Variants in KDM7A observed in about 807,000 individuals in gnomAD.
The protein encoded by KDM7A is lysine demethylase 7A, also known as lysine-specific demethylase 7A.
A neutral mutation model predicts 114.8 loss-of-function variants in KDM7A; 28 were observed. That is an observed-to-expected ratio of 0.24 (90% CI 0.18 to 0.33). The LOEUF (loss-of-function observed/expected upper bound fraction) is 0.33, where lower values mean the gene tolerates loss of function less well. KDM7A is among the 10% of genes least tolerant of loss of function. The probability of loss-of-function intolerance (pLI) is 1.00; values close to 1 mark genes in which losing one functional copy is unlikely to be tolerated. For synonymous variants in KDM7A, 423 were observed against 397.8 expected, an observed-to-expected ratio of 1.06 and a Z score of -0.75; for missense variants, 942 against 1,142.5, an observed-to-expected ratio of 0.82 and a Z score of 2.53.
chr7:140,176,924 G>A lies in KDM7A; in HGVS notation c.14C>T (p.Ala5Val), dbSNP rs1794718885. 1.7e-6 allele frequency: 2 copies of A among 1,161,326 alleles called. No individual in the cohort carries two copies. Among genetic ancestry groups the A allele is most frequent in the African/African-American group, 1.7e-5 (1 of 60,582 alleles). The allele number at this position is 1,161,326 out of a possible 1,614,324, so 71.9% of individuals were successfully genotyped here. The change falls in exon 1 of 20, where the codon GCG becomes GTG. Residue 5 changes from alanine (A) to valine (V), a missense_variant. By Grantham distance (64) the Ala-to-Val change is moderately conservative (BLOSUM62 0). Transcript: ENST00000397560. The surrounding 1 kb of genome is among the most constrained non-coding windows in gnomAD (Gnocchi z 4.4). MAGA[A>V]AAVAAGAAAG... ...TGCTGCTCCCGCGGCCACCGCCGCC[G>A]CCGCTCCGGCCATCTTTAAAAAACA...
chr7:140,172,102 T>G (rs1336756516), intron 1 of KDM7A, among the ~76,000 whole-genome samples: 2 of 152,066 alleles, frequency 1.3e-5, no homozygotes. Flanking sequence ...AAGTGGACAC[T>G]GTAGGTGAAA....
At chr7:140,119,707 G>A (rs1300238593) in intron 8 of KDM7A, among the ~76,000 whole-genome samples, 1 of 152,182 alleles carries the variant, frequency 6.6e-6, no homozygotes, top group East Asian at 1.9e-4. Flanking sequence ...CACTTGGTAG[G>A]TGTGGGAGCT....
At chr7:140,096,476 A>G in intron 17 of KDM7A, 79 bp downstream of exon 17, 2 of 1,117,684 alleles carry the variant, frequency 1.8e-6, no homozygotes, top group Non-Finnish European at 2.7e-6. Flanking sequence ...CATAATCTCT[A>G]ACCTAAATGA....
At position 140,150,339 on chromosome 7, in the gene KDM7A, T is replaced by C. The variant is rs1192469155; in HGVS notation, c.195-11149A>G. Among the ~76,000 whole-genome samples the C allele has an allele frequency of 3.3e-5, 5 of 152,302 alleles. No homozygotes were observed. In the East Asian group the frequency reaches 9.6e-4, roughly 29 times the overall value. On this transcript the variant is annotated intron_variant, in intron 1 of 19. Transcript: ENST00000397560. Reference sequence around the variant, plus strand: ...CCAGTTCCTCATGAAATGCAAGACATAAGGAATTAACACACTAAAAACTTT... The same window carrying C: ...CCAGTTCCTCATGAAATGCAAGACACAAGGAATTAACACACTAAAAACTTT...
intron 17 of KDM7A, chr7:140,095,567 C>T (rs570377263): frequency 2.3e-4 from 52 of 227,204 alleles, no homozygotes; most frequent in Admixed American, 9.4e-4. Context: ...ATTTTACCTA[C>T]AAGTATTGTT....
At position 140,085,219 on chromosome 7, in the gene KDM7A, A is replaced by G. The variant is rs1282427420; in HGVS notation, c.*5875T>C. The G allele has an allele frequency of 2.8e-5, 4 of 144,510 alleles. No individual in the cohort carries two copies. The highest frequency in any genetic ancestry group is 2.7e-4 in the Admixed American group (4 of 14,682). The allele number at this position is 144,510 out of a possible 1,614,324, so 9.0% of individuals were successfully genotyped here. On this transcript the variant is annotated 3_prime_UTR_variant, in exon 20 of 20. Transcript: ENST00000397560. ...CAAGACGAGACGCTATTCCGCAGACACCCCCAACAAGAAGAACAGTCCCCT... is the reference window on the plus strand; with the variant it reads ...CAAGACGAGACGCTATTCCGCAGACGCCCCCAACAAGAAGAACAGTCCCCT...
Position 140,176,690 on chromosome 7 carries a change from CGGTTGGTCGGTGGCCGGCGGT to C in KDM7A, c.194+33_194+53del. 1 of 1,106,738 alleles carries C rather than the reference CGGTTGGTCGGTGGCCGGCGGT, an allele frequency of 9.0e-7. No homozygotes were observed. The highest frequency in any genetic ancestry group is 1.1e-6 in the Non-Finnish European group (1 of 892,558). 68.6% of individuals were successfully genotyped at this position (1,106,738 alleles called of 1,614,324 possible). A position where few individuals can be genotyped will look rare whatever the true frequency, so the allele number is the denominator to read the frequency against. On this transcript the variant is annotated intron_variant, in intron 1 of 19. Transcript: ENST00000397560. This position sits in a 1 kb window ranked among gnomAD's most constrained non-coding sequence, Gnocchi z 4.4. Reference sequence around the variant, plus strand: ...AGGCGCGGGCGGCCGGCGGCGGCGGCGGTTGGTCGGTGGCCGGCGGTGGCGGCTGCGGGGCTGGAGGGGGTT... The same window carrying C: ...AGGCGCGGGCGGCCGGCGGCGGCGGCGGCGGCTGCGGGGCTGGAGGGGGTT...
intron 1 of KDM7A, among the ~76,000 whole-genome samples, chr7:140,154,694 A>G (rs1308613922): frequency 6.6e-6 from 1 of 151,974 alleles, no homozygotes; most frequent in Non-Finnish European, 1.5e-5. Flanking sequence ...GATGGGGATC[A>G]AGCATAAGTG....
intron 1 of KDM7A, among the ~76,000 whole-genome samples, chr7:140,175,946 C>T (rs1347832407): frequency 6.6e-6 from 1 of 152,094 alleles, no homozygotes; most frequent in East Asian, 1.9e-4. Flanking sequence ...GCGTTCCCTT[C>T]GGGCCGCCGC....
At chr7:140,146,392 C>T (rs1304185358) in intron 1 of KDM7A, among the ~76,000 whole-genome samples, 3 of 152,198 alleles carry the variant, frequency 2.0e-5, no homozygotes, top group Admixed American at 6.5e-5. Context: ...CTCCATCCTT[C>T]ACTCACTGCC....
At position 140,176,789 on chromosome 7, in the gene KDM7A, C is replaced by T. The variant is rs1254918738; in HGVS notation, c.149G>A (p.Arg50His). ...CVCRQPYDVN[R>H]FMIECDICKD... ...GCAGATATCGCACTCGATCATGAAGCGGTTCACGTCGTACGGCTGCCGGCA... is the reference window on the plus strand; with the variant it reads ...GCAGATATCGCACTCGATCATGAAGTGGTTCACGTCGTACGGCTGCCGGCA... Residue 50 changes from arginine to histidine, a missense_variant, in exon 1 of 20, where the codon CGC (arginine) becomes CAC (histidine). This residue lies in a region of KDM7A where 112 missense variants were observed against 96.2 expected (regional missense o/e 1.16). Transcript: ENST00000397560. This position sits in a 1 kb window ranked among gnomAD's most constrained non-coding sequence, Gnocchi z 4.4. 1 of 1,420,536 alleles carries T rather than the reference C, an allele frequency of 7.0e-7. No homozygotes were observed. Among genetic ancestry groups the T allele is most frequent in the Non-Finnish European group, 9.4e-7 (1 of 1,065,598 alleles). The allele number at this position is 1,420,536 out of a possible 1,614,324, so 88.0% of individuals were successfully genotyped here. A position where few individuals can be genotyped will look rare whatever the true frequency, so the allele number is the denominator to read the frequency against.
chr7:140,107,240 G>A lies in KDM7A; in HGVS notation c.1428+3855C>T, dbSNP rs144542910. On this transcript the variant is annotated intron_variant, in intron 11 of 19. Transcript: ENST00000397560. Reference sequence around the variant, plus strand: ...CTCTTTATCCTATTTGCCGGTATGTGTCTTTTAATTGGAGCATTTAGCCCA... The same window carrying A: ...CTCTTTATCCTATTTGCCGGTATGTATCTTTTAATTGGAGCATTTAGCCCA... Among the ~76,000 whole-genome samples the A allele has an allele frequency of 3.3e-3, 502 of 152,272 alleles. 1 individual carries two copies. The highest frequency in any genetic ancestry group is 0.017 in the Middle Eastern group (5 of 294).
At chr7:140,127,755 G>A (rs1818729612) in intron 4 of KDM7A, among the ~76,000 whole-genome samples, 172 bp from the exon 5 acceptor site, 1 of 151,882 alleles carries the variant, frequency 6.6e-6, no homozygotes, top group Admixed American at 6.6e-5. Flanking sequence ...GGACCTTTCA[G>A]GAAAAAAGGG....
intron 17 of KDM7A, among the ~76,000 whole-genome samples, 156 bp downstream of exon 17, chr7:140,096,399 T>C (rs1818109584): frequency 6.6e-6 from 1 of 152,220 alleles, no homozygotes; most frequent in South Asian, 2.1e-4. Context: ...CCATCTTACG[T>C]GATATGTCAG....
intron 2 of KDM7A, among the ~76,000 whole-genome samples, chr7:140,134,802 C>T (rs1273925242): frequency 6.6e-6 from 1 of 152,060 alleles, no homozygotes; most frequent in East Asian, 1.9e-4. Context: ...TATGTTTGAA[C>T]ATTTTCACAA....
At chr7:140,096,343 C>T (rs1483510487) in intron 17 of KDM7A, among the ~76,000 whole-genome samples, 1 of 152,212 alleles carries the variant, frequency 6.6e-6, no homozygotes, top group Non-Finnish European at 1.5e-5. Flanking sequence ...TGCTAGTGAA[C>T]ACAATTGTCA....
chr7:140,086,361 A>G lies in KDM7A; in HGVS notation c.*4733T>C, dbSNP rs1392695688. 1 of 152,246 alleles carries G rather than the reference A, an allele frequency of 6.6e-6. No individual in the cohort carries two copies. The highest frequency in any genetic ancestry group is 2.4e-5 in the African/African-American group (1 of 41,472). The allele number at this position is 152,246 out of a possible 1,614,324, so 9.4% of individuals were successfully genotyped here. On this transcript the variant is annotated 3_prime_UTR_variant, in exon 20 of 20. Coordinates refer to ENST00000397560, the MANE Select transcript of KDM7A (RefSeq NM_030647.2). ...GAAGGGGAGAACCTAAGGATATTGC[A>G]AAAGAGTATTATTTTCTCCTCTCAG...
intron 10 of KDM7A, among the ~76,000 whole-genome samples, chr7:140,111,894 G>A (rs540732458): frequency 8.6e-5 from 13 of 150,862 alleles, no homozygotes; most frequent in Non-Finnish European, 1.6e-4. Context: ...GCAGTGAGCC[G>A]AGATTGTGCC....
chr7:140,153,842 T>C (rs985965651), intron 1 of KDM7A, among the ~76,000 whole-genome samples: 3 of 152,216 alleles, frequency 2.0e-5, no homozygotes, highest in African/African-American at 7.2e-5. Context: ...TTATCATTTT[T>C]TGTTTCTTTG....
Sources: allele counts gnomAD v4.1 joint callset (sites outside exome capture counted in the v4.1 genomes callset), GRCh38; gene constraint gnomAD v4.1.1; regional missense constraint gnomAD v4.1.1; non-coding constraint Gnocchi (gnomAD v3.1); transcripts MANE v1.5; gene names NCBI Gene and HGNC (gene_info 2026-07-23, HGNC 2026-07-21).